Variants in FGD3 observed in about 807,000 individuals in gnomAD.
The protein encoded by FGD3 is FYVE, RhoGEF and PH domain-containing protein 3.
FGD3 carries 45 observed loss-of-function variants against 71.8 expected under a neutral mutation model. The ratio of observed to expected loss-of-function variants is 0.63; its 90% CI spans 0.49 to 0.80. The LOEUF is 0.80. Ranked by LOEUF, FGD3 falls within the 30% of genes least tolerant of loss-of-function variation. The pLI is 0.00. For missense variants in FGD3, 844 were observed against 951.5 expected (o/e 0.89, Z 1.49); for synonymous variants, 378 against 392.8 (o/e 0.96, Z 0.44).
chr9:92,997,989 G>C (rs967238960), intron 3 of FGD3, among the ~76,000 whole-genome samples: 8 of 152,114 alleles, frequency 5.3e-5, no homozygotes, highest in Non-Finnish European at 8.8e-5. Flanking sequence ...GGCATTCTCT[G>C]TATTTCCTGA....
intron 8 of FGD3, among the ~76,000 whole-genome samples, chr9:93,011,887 G>C (rs901309624): frequency 7.5e-5 from 11 of 146,936 alleles, no homozygotes; most frequent in Non-Finnish European, 1.2e-4. Flanking sequence ...GGCCAGGCGC[G>C]GTGGCTCACG....
intron 15 of FGD3, among the ~76,000 whole-genome samples, chr9:93,031,026 TTGGA>T (rs1410826062): frequency 2.7e-5 from 4 of 150,846 alleles, no homozygotes; most frequent in African/African-American, 7.3e-5. Context: ...AGATGAATGG[TTGGA>T]TGGATGGATG....
chr9:92,979,141 T>C (rs1859892836), intron 3 of FGD3, among the ~76,000 whole-genome samples: 1 of 152,150 alleles, frequency 6.6e-6, no homozygotes, highest in Non-Finnish European at 1.5e-5. Context: ...CTTCCCATAC[T>C]ATATTGAATA....
intron 1 of FGD3, among the ~76,000 whole-genome samples, chr9:92,968,474 C>A (rs959343101): frequency 1.3e-5 from 2 of 152,122 alleles, no homozygotes; most frequent in African/African-American, 2.4e-5. Context: ...ATGGAGACCC[C>A]TCCTCCATCC....
chr9:92,958,778 C>T (rs79595842), intron 1 of FGD3, among the ~76,000 whole-genome samples: 2,842 of 152,168 alleles, frequency 0.019, 100 homozygotes, highest in African/African-American at 0.064. Context: ...TATTTTGGTA[C>T]GGCTATCTAA....
chr9:93,006,993 C>T (rs2118716004), intron 6 of FGD3, among the ~76,000 whole-genome samples: 1 of 152,182 alleles, frequency 6.6e-6, no homozygotes, highest in Admixed American at 6.5e-5. Flanking sequence ...TCTCAAAGTG[C>T]TGGGATTACA....
intron 8 of FGD3, 23 bp from the exon 9 acceptor site, chr9:93,013,829 C>G (rs912194663): frequency 6.2e-7 from 1 of 1,611,150 alleles, no homozygotes; most frequent in Non-Finnish European, 8.5e-7. Context: ...ACCTTTGGTG[C>G]CTGAGTCCCA....
rs182596844 is a variant in FGD3 at position 92,969,209 on chromosome 9, G to A, written c.-217-6029G>A. 5.3e-5 allele frequency among the ~76,000 whole-genome samples: 8 copies of A among 152,342 alleles called. No homozygotes were observed. The East Asian group carries it at 1.5e-3, about 29-fold the overall frequency. On this transcript the variant is annotated intron_variant, in intron 1 of 17. Coordinates refer to ENST00000375482, the MANE Select transcript of FGD3 (RefSeq NM_001083536.2). The surrounding 1 kb of genome is among the most constrained non-coding windows in gnomAD (Gnocchi z 4.5). ...GTGCAGCGGGCGGCTCTTGCCCACAGGGCTGGGACCCATTGCATAAGGCTT... is the reference window on the plus strand; with the variant it reads ...GTGCAGCGGGCGGCTCTTGCCCACAAGGCTGGGACCCATTGCATAAGGCTT...
chr9:93,014,870 G>A (rs554370476), intron 9 of FGD3, among the ~76,000 whole-genome samples: 2 of 152,110 alleles, frequency 1.3e-5, no homozygotes, highest in Non-Finnish European at 2.9e-5. Context: ...TCGAGCTCCT[G>A]ACCTCAGGTG....
At chr9:93,029,104 T>C (rs1342850561) in intron 14 of FGD3, among the ~76,000 whole-genome samples, 1 of 134,422 alleles carries the variant, frequency 7.4e-6, no homozygotes, top group East Asian at 2.5e-4. Flanking sequence ...ACTGCATCAC[T>C]GCAACCAACC....
At chr9:92,986,407 T>A (rs1431221422) in intron 3 of FGD3, among the ~76,000 whole-genome samples, 1 of 152,082 alleles carries the variant, frequency 6.6e-6, no homozygotes, top group African/African-American at 2.4e-5. Context: ...TCTTGATGCA[T>A]GTTGAGAGGG....
At chr9:92,967,669 G>A (rs1296988673) in intron 1 of FGD3, among the ~76,000 whole-genome samples, 1 of 152,132 alleles carries the variant, frequency 6.6e-6, no homozygotes, top group African/African-American at 2.4e-5. Flanking sequence ...CTGCCTTCCA[G>A]GTTCAAGCTA....
At chr9:92,998,135 T>C (rs901338844) in intron 3 of FGD3, among the ~76,000 whole-genome samples, 1 of 152,262 alleles carries the variant, frequency 6.6e-6, no homozygotes, top group Non-Finnish European at 1.5e-5. Flanking sequence ...TCTTTTCACA[T>C]AGTCTCATAT....
chr9:93,028,805 G>C (rs772435430), intron 14 of FGD3, among the ~76,000 whole-genome samples: 4 of 152,090 alleles, frequency 2.6e-5, no homozygotes, highest in Non-Finnish European at 4.4e-5. Context: ...GCAGGAGACT[G>C]GGGTCTCTCC....
intron 3 of FGD3, among the ~76,000 whole-genome samples, chr9:92,995,014 G>T (rs1188728427): frequency 6.6e-6 from 1 of 152,192 alleles, no homozygotes; most frequent in African/African-American, 2.4e-5. Context: ...TGTGAAGAAA[G>T]TCATTGGTAG....
At chr9:93,032,896 C>A (rs769079027) in intron 16 of FGD3, 23 bp downstream of exon 16, 2 of 1,606,202 alleles carry the variant, frequency 1.2e-6, no homozygotes, top group South Asian at 2.2e-5. Flanking sequence ...AGCTCCTGCT[C>A]CCCTCCTGGT....
At chr9:93,017,566 T>C (rs1276861174) in intron 10 of FGD3, among the ~76,000 whole-genome samples, 1 of 152,160 alleles carries the variant, frequency 6.6e-6, no homozygotes, top group Non-Finnish European at 1.5e-5. Flanking sequence ...GGTCTTATCC[T>C]GATGGAAGAG....
At chr9:92,948,362 G>C (rs1032962212) in intron 1 of FGD3, among the ~76,000 whole-genome samples, 2 of 152,244 alleles carry the variant, frequency 1.3e-5, no homozygotes, top group African/African-American at 4.8e-5. Flanking sequence ...GGTTCATTAA[G>C]ACCTCCAGTT....
intron 11 of FGD3, 44 bp downstream of exon 11, chr9:93,018,259 C>T (rs367818232): frequency 2.4e-5 from 37 of 1,523,592 alleles, no homozygotes; most frequent in Non-Finnish European, 3.3e-5. Flanking sequence ...GACCTCATGT[C>T]TTCTTTTTCT....
Sources: allele counts gnomAD v4.1 joint callset (sites outside exome capture counted in the v4.1 genomes callset), GRCh38; gene constraint gnomAD v4.1.1; non-coding constraint Gnocchi (gnomAD v3.1); transcripts MANE v1.5; gene names NCBI Gene and HGNC (gene_info 2026-07-23, HGNC 2026-07-21).